TXNL4A: variants seen among roughly 807,000 people sequenced by gnomAD.
TXNL4A encodes thioredoxin like 4A, also known as thioredoxin-like protein 4A.
In TXNL4A, 17 loss-of-function variants were observed where a neutral mutation model predicts 14.6. The observed-to-expected ratio is 1.16, with a 90% CI of 0.80 to 1.74. The LOEUF (loss-of-function observed/expected upper bound fraction) is 1.74, where lower values mean the gene tolerates loss of function less well. Ranked by LOEUF, TXNL4A falls within the 40% of genes most tolerant of loss-of-function variation. The pLI, the probability that TXNL4A is intolerant of heterozygous loss-of-function variation, is 0.00. For missense variants in TXNL4A, 74 were observed against 195.2 expected (o/e 0.38, Z 3.70); for synonymous variants, 83 against 70.6 (o/e 1.18, Z -0.88).
upstream of TXNL4A, among the ~76,000 whole-genome samples, chr18:79,988,956 T>G (rs1212375539): frequency 6.6e-6 from 1 of 152,200 alleles, no homozygotes; most frequent in Non-Finnish European, 1.5e-5. Flanking sequence ...ACAGTTCATG[T>G]GTGTCATTTG....
chr18:79,978,763 C>T (rs113898814), intron 1 of TXNL4A, among the ~76,000 whole-genome samples: 21 of 149,078 alleles, frequency 1.4e-4, no homozygotes, highest in African/African-American at 4.4e-4. Flanking sequence ...CAAAGTGCTG[C>T]GATTACAGGC....
upstream of TXNL4A, among the ~76,000 whole-genome samples, chr18:79,991,694 C>T (rs57886693): frequency 6.6e-6 from 1 of 152,204 alleles, no homozygotes; most frequent in African/African-American, 2.4e-5. Context: ...TCCAAATTGG[C>T]TACACCATTT....
chr18:80,019,328 A>G (rs1192707827), intron 1 of TXNL4A, among the ~76,000 whole-genome samples: 1 of 152,196 alleles, frequency 6.6e-6, no homozygotes, highest in African/African-American at 2.4e-5. Context: ...GCAGCAAGAG[A>G]AAATGAGGAA....
chr18:80,011,120 A>G lies in TXNL4A; in HGVS notation c.-61+22731T>C, dbSNP rs2051767179. ...TTTGGTGCTTGTTAGCCCCTCGGGA[A>G]AGGAAACAATTTGGGTTATATCATT... On this transcript the variant is annotated intron_variant, in intron 1 of 2. Transcript: ENST00000585474. This position sits in a 1 kb window ranked among gnomAD's most constrained non-coding sequence, Gnocchi z 4.1. Among the ~76,000 whole-genome samples, 1 of 152,156 alleles carries G rather than the reference A, an allele frequency of 6.6e-6. No homozygotes were observed. Among genetic ancestry groups the G allele is most frequent in the Admixed American group, 6.5e-5 (1 of 15,276 alleles).
At chr18:79,994,041 C>A (rs150746245) in intron 1 of TXNL4A, among the ~76,000 whole-genome samples, 1 of 152,280 alleles carries the variant, frequency 6.6e-6, no homozygotes, top group Non-Finnish European at 1.5e-5. Context: ...CGAAGGGGAA[C>A]TTTAAATTAT....
chr18:79,986,729 C>CA, intron 1 of TXNL4A: 1 of 985,500 alleles, frequency 1.0e-6, no homozygotes, highest in Non-Finnish European at 1.2e-6. Context: ...ATCTGAACAC[C>CA]ACCCGATGTT....
chr18:80,014,620 G>A (rs574269915), intron 1 of TXNL4A, among the ~76,000 whole-genome samples: 26 of 152,294 alleles, frequency 1.7e-4, no homozygotes, highest in East Asian at 1.5e-3. Context: ...ATGGGCTGGC[G>A]TTGAGTGTCT....
chr18:80,012,842 T>C (rs2051779169), intron 1 of TXNL4A, among the ~76,000 whole-genome samples: 1 of 152,074 alleles, frequency 6.6e-6, no homozygotes. Flanking sequence ...TTTTTTTTTT[T>C]TTTTGGGACC....
In TXNL4A at chr18:79,986,442, C is replaced by CA. The variant is rs35507372; in HGVS notation, c.153+1797dup. ...CAAAAATCAGACTATTTTAAAAGAC[C>CA]AAAAAAAATACCCCAAAGTGAGCCC... On this transcript the variant is annotated intron_variant, in intron 1 of 2. Transcript: ENST00000269601. 0.39 allele frequency among the ~76,000 whole-genome samples: 59,166 copies of CA among 151,630 alleles called. 13,034 individuals carry two copies. The highest frequency in any genetic ancestry group is 0.51 in the Non-Finnish European group (34,382 of 67,834).
chr18:80,017,153 GCT>G (rs2051816778), intron 1 of TXNL4A, among the ~76,000 whole-genome samples: 1 of 150,108 alleles, frequency 6.7e-6, no homozygotes. Context: ...TCATGATTTG[GCT>G]CTCTGTTTGT....
upstream of TXNL4A, among the ~76,000 whole-genome samples, chr18:79,992,876 TAAAAAA>T (rs59567705): frequency 2.3e-4 from 18 of 78,622 alleles, no homozygotes; most frequent in Non-Finnish European, 2.8e-4. Flanking sequence ...TCATCTTATG[TAAAAAA>T]AAAAAAAAAA....
At chr18:80,019,825 G>GT (rs2051836421) in intron 1 of TXNL4A, among the ~76,000 whole-genome samples, 1 of 152,218 alleles carries the variant, frequency 6.6e-6, no homozygotes, top group Non-Finnish European at 1.5e-5. Context: ...GTCTAAAGGA[G>GT]TAAGTCTTAC....
At chr18:79,997,120 G>A (rs149164603) in intron 1 of TXNL4A, among the ~76,000 whole-genome samples, 1 of 152,220 alleles carries the variant, frequency 6.6e-6, no homozygotes, top group East Asian at 1.9e-4. Context: ...CAGTCTTCCT[G>A]TTAACTCCAG....
At chr18:80,032,788 C>T (rs902442793) in intron 1 of TXNL4A, among the ~76,000 whole-genome samples, 4 of 152,130 alleles carry the variant, frequency 2.6e-5, no homozygotes, top group South Asian at 4.1e-4. Flanking sequence ...TGCAGTGAGC[C>T]GGGATCACGC....
chr18:80,018,339 T>C (rs1023682497), intron 1 of TXNL4A, among the ~76,000 whole-genome samples: 91 of 151,272 alleles, frequency 6.0e-4, no homozygotes, highest in Non-Finnish European at 9.9e-4. Context: ...CAAAGCAGTG[T>C]GTAGAGGGAA....
intron 1 of TXNL4A, among the ~76,000 whole-genome samples, chr18:80,021,544 C>T (rs1433468336): frequency 1.3e-5 from 2 of 152,128 alleles, no homozygotes; most frequent in Non-Finnish European, 2.9e-5. Context: ...CAGAAAAAGG[C>T]ACTTGTTAGG....
At chr18:79,979,740 C>G (rs1368425626) in intron 1 of TXNL4A, 1 of 152,214 alleles carries the variant, frequency 6.6e-6, no homozygotes, top group Non-Finnish European at 1.5e-5. Flanking sequence ...TTCTGTTACT[C>G]TCTGATTGTT....
rs146676374 is a variant in TXNL4A at position 79,982,833 on chromosome 18, T to G, written c.154-5132A>C. On this transcript the variant is annotated intron_variant, in intron 1 of 2. Transcript: ENST00000269601. The surrounding 1 kb of genome is among the most constrained non-coding windows in gnomAD (Gnocchi z 4.0). ...ACCCCATTTTCTTGGTGAAATGGCA[T>G]CTGTGGGGTGACTGGAGGAGCATGA... Among the ~76,000 whole-genome samples, 1 of 152,086 alleles carries G rather than the reference T, an allele frequency of 6.6e-6. No homozygotes were observed. Among genetic ancestry groups the G allele is most frequent in the East Asian group, 1.9e-4 (1 of 5,168 alleles).
intron 1 of TXNL4A, among the ~76,000 whole-genome samples, chr18:80,028,851 A>G (rs1361947690): frequency 1.3e-5 from 2 of 152,212 alleles, no homozygotes; most frequent in African/African-American, 4.8e-5. Flanking sequence ...AATGTACAAC[A>G]TGTATCAGAG....
Sources: allele counts gnomAD v4.1 joint callset (sites outside exome capture counted in the v4.1 genomes callset), GRCh38; gene constraint gnomAD v4.1.1; non-coding constraint Gnocchi (gnomAD v3.1); transcripts MANE v1.5; gene names NCBI Gene and HGNC (gene_info 2026-07-23, HGNC 2026-07-21).